Variants in ADCY8 observed in about 807,000 individuals in gnomAD.
The protein encoded by ADCY8 is adenylate cyclase type 8.
ADCY8 carries 51 observed loss-of-function variants against 119.7 expected under a neutral mutation model. The observed-to-expected ratio is 0.43, with a 90% CI of 0.34 to 0.54. ADCY8 has a LOEUF of 0.54. Among genes scored for constraint, ADCY8 ranks in the 20% least tolerant of loss-of-function variants. The pLI, the probability that ADCY8 is intolerant of heterozygous loss-of-function variation, is 0.03. For synonymous variants in ADCY8, 665 were observed against 651.0 expected (o/e 1.02, Z -0.33); for missense variants, 1,383 against 1,598.8 (o/e 0.87, Z 2.30).
At chr8:130,822,048 G>C (rs1368870764) in intron 12 of ADCY8, among the ~76,000 whole-genome samples, 1 of 152,158 alleles carries the variant, frequency 6.6e-6, no homozygotes, top group Non-Finnish European at 1.5e-5. Context: ...TGTGTGCCAG[G>C]CATAATATTC....
chr8:130,814,362 T>C, intron 13 of ADCY8, 135 bp from the exon 14 acceptor site: 1 of 964,806 alleles, frequency 1.0e-6, no homozygotes, highest in Non-Finnish European at 1.5e-6. Flanking sequence ...CTGAATATTT[T>C]GGGAGGCATT....
chr8:130,865,971 A>C (rs1818104862), intron 9 of ADCY8, among the ~76,000 whole-genome samples: 1 of 152,168 alleles, frequency 6.6e-6, no homozygotes, highest in East Asian at 1.9e-4. Context: ...AGCACTTCTC[A>C]GTGCATATCT....
At chr8:130,924,817 C>T (rs1400197361) in intron 5 of ADCY8, among the ~76,000 whole-genome samples, 1 of 152,088 alleles carries the variant, frequency 6.6e-6, no homozygotes, top group Non-Finnish European at 1.5e-5. Context: ...CAGTATTTGG[C>T]CTATCACCCC....
At chr8:130,904,516 G>T (rs899628048) in intron 6 of ADCY8, among the ~76,000 whole-genome samples, 2 of 152,144 alleles carry the variant, frequency 1.3e-5, no homozygotes, top group East Asian at 1.9e-4. Flanking sequence ...TCATGTATTT[G>T]TAACTTGTTT....
chr8:130,801,778 A>G (rs1815785038), intron 14 of ADCY8, among the ~76,000 whole-genome samples: 1 of 152,048 alleles, frequency 6.6e-6, no homozygotes, highest in African/African-American at 2.4e-5. Context: ...GTAAGTTTAT[A>G]TCCTGCTGGA....
chr8:130,908,698 G>A (rs146398732), intron 6 of ADCY8, among the ~76,000 whole-genome samples: 33 of 152,262 alleles, frequency 2.2e-4, no homozygotes, highest in African/African-American at 7.5e-4. Context: ...CAGAAGTTAA[G>A]CACTGGCCTG....
At chr8:130,806,676 T>A (rs1282848251) in intron 14 of ADCY8, among the ~76,000 whole-genome samples, 1 of 152,112 alleles carries the variant, frequency 6.6e-6, no homozygotes, top group East Asian at 1.9e-4. Context: ...TGAAGTGACA[T>A]AGCCAGCCTC....
Position 130,862,366 on chromosome 8 carries a change from C to T in ADCY8, c.2210+5480G>A, listed in dbSNP as rs144468475. Among the ~76,000 whole-genome samples, 6 of 152,108 alleles carry T rather than the reference C, an allele frequency of 3.9e-5. No individual in the cohort carries two copies. The East Asian group carries it at 1.2e-3, about 29-fold the overall frequency. On this transcript the variant is annotated intron_variant, in intron 9 of 17. Transcript: ENST00000286355. ...TTCTAAGCACTGCTTTCATGGCATCCCACAAATTTGGTAAGTTGTGTTTTC... is the reference window on the plus strand; with the variant it reads ...TTCTAAGCACTGCTTTCATGGCATCTCACAAATTTGGTAAGTTGTGTTTTC...
intron 2 of ADCY8, among the ~76,000 whole-genome samples, chr8:130,966,112 T>A (rs1333249706): frequency 6.6e-6 from 1 of 152,216 alleles, no homozygotes; most frequent in Non-Finnish European, 1.5e-5. Flanking sequence ...TTATGGAATC[T>A]AAGGGTGAAA....
At chr8:130,894,971 A>G (rs1478937686) in intron 7 of ADCY8, among the ~76,000 whole-genome samples, 1 of 152,158 alleles carries the variant, frequency 6.6e-6, no homozygotes, top group Non-Finnish European at 1.5e-5. Context: ...TGGCAAAGAG[A>G]TGAGAGCAAT....
intron 7 of ADCY8, among the ~76,000 whole-genome samples, chr8:130,899,881 T>G (rs570133921): frequency 6.6e-6 from 1 of 152,354 alleles, no homozygotes; most frequent in Non-Finnish European, 1.5e-5. Flanking sequence ...CATTTAATAA[T>G]CTAGCCTTGA....
chr8:131,000,775 C>T (rs945557699), intron 1 of ADCY8, among the ~76,000 whole-genome samples: 11 of 152,022 alleles, frequency 7.2e-5, no homozygotes, highest in Non-Finnish European at 1.2e-4. Flanking sequence ...CCACATGCAC[C>T]CTAGGATTCG....
At chr8:130,805,223 G>A (rs1815909186) in intron 14 of ADCY8, among the ~76,000 whole-genome samples, 1 of 152,194 alleles carries the variant, frequency 6.6e-6, no homozygotes, top group Non-Finnish European at 1.5e-5. Flanking sequence ...ATGTCCCCAT[G>A]AGACAGATAC....
intron 4 of ADCY8, among the ~76,000 whole-genome samples, chr8:130,940,285 A>G (rs2130632354): frequency 6.6e-6 from 1 of 152,302 alleles, no homozygotes; most frequent in East Asian, 1.9e-4. Context: ...GAATTATGGC[A>G]AAGTCCAGAA....
intron 7 of ADCY8, among the ~76,000 whole-genome samples, chr8:130,900,519 A>G (rs1819562065): frequency 6.6e-6 from 1 of 152,168 alleles, no homozygotes; most frequent in Non-Finnish European, 1.5e-5. Flanking sequence ...ATCCAGTTCC[A>G]ATAGGCAGCT....
At chr8:130,825,943 T>G (rs1816656123) in intron 12 of ADCY8, among the ~76,000 whole-genome samples, 1 of 152,176 alleles carries the variant, frequency 6.6e-6, no homozygotes, top group Non-Finnish European at 1.5e-5. Flanking sequence ...GAAATTATCC[T>G]GGAGGACTAC....
chr8:130,893,637 CA>C (rs1819268617), intron 7 of ADCY8, among the ~76,000 whole-genome samples: 1 of 150,416 alleles, frequency 6.6e-6, no homozygotes. Context: ...TTAGAGGTGT[CA>C]ATACCATGGG....
At chr8:130,819,609 T>C (rs1182438491) in intron 13 of ADCY8, among the ~76,000 whole-genome samples, 2 of 152,206 alleles carry the variant, frequency 1.3e-5, no homozygotes, top group African/African-American at 2.4e-5. Context: ...ACCTGTGTAA[T>C]TGAGTGAGCA....
rs1248134059 is a variant in ADCY8 at position 131,011,421 on chromosome 8, G to A, written c.961-20879C>T. Among the ~76,000 whole-genome samples, 5 of 152,224 alleles carry A rather than the reference G, an allele frequency of 3.3e-5. No homozygotes were observed. In the East Asian group the frequency reaches 9.7e-4, roughly 29 times the overall value. On this transcript the variant is annotated intron_variant, in intron 1 of 17. Coordinates refer to ENST00000286355, the MANE Select transcript of ADCY8 (RefSeq NM_001115.3). ...ATTGCATCTAGAGTGCTTTATGGAT[G>A]GGACCTGAAAGAATCAAGTGACTCT...
Sources: allele counts gnomAD v4.1 joint callset (sites outside exome capture counted in the v4.1 genomes callset), GRCh38; gene constraint gnomAD v4.1.1; transcripts MANE v1.5; gene names NCBI Gene and HGNC (gene_info 2026-07-23, HGNC 2026-07-21).